The following REPS2 variants were observed in gnomAD, a reference collection of about 807,000 sequenced individuals.
REPS2 encodes the protein ralBP1-associated Eps domain-containing protein 2.
REPS2 carries 23 observed loss-of-function variants against 53.6 expected under a neutral mutation model. The observed-to-expected ratio is 0.43, with a 90% CI of 0.31 to 0.61. The LOEUF is 0.61. Among genes scored for constraint, REPS2 ranks in the 20% least tolerant of loss-of-function variants. REPS2 has a pLI of 0.11. For synonymous variants in REPS2, 238 were observed against 218.6 expected (o/e 1.09, Z -0.78); for missense variants, 446 against 534.9 (o/e 0.83, Z 1.64).
At chrX:16,969,481 C>G (rs768531186) in intron 1 of REPS2, among the ~76,000 whole-genome samples, 2 of 108,878 alleles carry the variant, frequency 1.8e-5, no homozygotes, top group Non-Finnish European at 1.9e-5. Context: ...CCCGGCACCT[C>G]GGGAGGCCGA....
chrX:17,038,680 T>G (rs1318406922), intron 5 of REPS2, among the ~76,000 whole-genome samples: 3 of 112,345 alleles, frequency 2.7e-5, no homozygotes, highest in Non-Finnish European at 5.6e-5. Flanking sequence ...AGCCAGCTTG[T>G]GCAGTGCTGG....
chrX:16,946,888 GGCGGCA>G lies in REPS2; in HGVS notation c.45_50del (p.Ala16_Ala17del), dbSNP rs1339902710. The G allele has an allele frequency of 1.9e-5, 15 of 769,593 alleles. No homozygotes were observed. Among genetic ancestry groups the G allele is most frequent in the East Asian group, 1.4e-4 (1 of 7,179 alleles). 63.4% of individuals were successfully genotyped at this position (769,593 alleles called of 1,213,427 possible). A position where few individuals can be genotyped will look rare whatever the true frequency, so the allele number is the denominator to read the frequency against. Reference sequence around the variant, plus strand: ...TGGAGGCGGCAGCGGCGGCGGCGGCGGCGGCAGCGGCAGCGGCAGCGGCGGGCGGGG... The same window carrying G: ...TGGAGGCGGCAGCGGCGGCGGCGGCGGCGGCAGCGGCAGCGGCGGGCGGGG... On this transcript the variant is annotated inframe_deletion, in exon 1 of 18. Transcript: ENST00000357277.
At chrX:17,173,322 T>C in the REPS2 span, among the ~76,000 whole-genome samples, 2 of 111,806 alleles carry the variant, frequency 1.8e-5, no homozygotes, top group East Asian at 5.6e-4. Context: ...ATTTATTTTC[T>C]TGAAGCTGTA....
rs373688895 is a variant in REPS2 at position 17,110,874 on chromosome X, C to T, written c.1578+7095C>T. Among the ~76,000 whole-genome samples, 8 of 110,197 alleles carry T rather than the reference C, an allele frequency of 7.3e-5. No homozygotes were observed. The East Asian group carries it at 2.0e-3, about 27-fold the overall frequency. ...ACTAAAAATACAAAAATTAGCCTGG[C>T]GTGATGGTACGTGCCTGTAATCCCA... On this transcript the variant is annotated intron_variant, in intron 14 of 17. Transcript: ENST00000357277.
At chrX:17,084,970 A>G (rs368139472) in intron 13 of REPS2, among the ~76,000 whole-genome samples, 1 of 111,980 alleles carries the variant, frequency 8.9e-6, no homozygotes, top group East Asian at 2.8e-4. Context: ...CAAGGTCACA[A>G]ACACTCCTCT....
intron 1 of REPS2, among the ~76,000 whole-genome samples, chrX:17,005,041 C>T (rs953150372): frequency 9.0e-6 from 1 of 111,516 alleles, no homozygotes; most frequent in Admixed American, 9.5e-5. Context: ...AGACAACTAT[C>T]TCAATGTTGG....
At chrX:17,086,878 G>A (rs1186034388) in intron 13 of REPS2, among the ~76,000 whole-genome samples, 1 of 112,297 alleles carries the variant, frequency 8.9e-6, no homozygotes, top group Non-Finnish European at 1.9e-5. Flanking sequence ...TATTCAACCA[G>A]TATTTAATGA....
intron 13 of REPS2, among the ~76,000 whole-genome samples, chrX:17,100,553 A>T: frequency 8.9e-6 from 1 of 112,285 alleles, no homozygotes; most frequent in Admixed American, 9.3e-5. Flanking sequence ...CACTGCCTGC[A>T]CCGCCTTCAT....
chrX:16,989,906 C>T (rs1053689739), intron 1 of REPS2, among the ~76,000 whole-genome samples: 2 of 112,317 alleles, frequency 1.8e-5, no homozygotes, highest in African/African-American at 3.2e-5. Flanking sequence ...ATGCAACTAC[C>T]ATATGACCCA....
intron 1 of REPS2, among the ~76,000 whole-genome samples, chrX:16,959,299 A>G (rs960486963): frequency 8.9e-6 from 1 of 111,878 alleles, no homozygotes; most frequent in African/African-American, 3.3e-5. Context: ...GGGTCTCACT[A>G]TATTCCCCTG....
rs1217831849 is a variant in REPS2, at chrX:17,006,780, C to T, written c.397+436C>T. ...TGCTCAGCCTTTAATTCTTAGTTTC[C>T]AAAGCACTGTTCTGATGCTAGTAAG... On this transcript the variant is annotated intron_variant, in intron 2 of 17. Transcript: ENST00000357277. Among the ~76,000 whole-genome samples the T allele has an allele frequency of 4.5e-5, 5 of 111,614 alleles. No individual in the cohort carries two copies. The East Asian group carries it at 1.1e-3, about 25-fold the overall frequency.
chrX:17,174,713 G>A, the REPS2 span, among the ~76,000 whole-genome samples: 1 of 112,667 alleles, frequency 8.9e-6, no homozygotes, highest in Admixed American at 9.4e-5. Context: ...TTACCCTCCG[G>A]TGTGGGTCCC....
chrX:17,135,438 G>A, intron 16 of REPS2, 32 bp downstream of exon 16: 1 of 1,183,251 alleles, frequency 8.5e-7, no homozygotes, highest in Non-Finnish European at 1.1e-6. Flanking sequence ...GAGTGAGGTA[G>A]GAATCTCGCT....
intron 6 of REPS2, among the ~76,000 whole-genome samples, chrX:17,049,231 A>G (rs2061947426): frequency 8.9e-6 from 1 of 111,879 alleles, no homozygotes; most frequent in South Asian, 3.7e-4. Context: ...TTTAGAGTAT[A>G]CTCTTACTTA....
Position 16,994,518 on chromosome X carries a change from C to T in REPS2, c.274-11703C>T, listed in dbSNP as rs151330428. The stretch of plus-strand genomic sequence containing the variant: ...AATGAAATAATAGCATTTGCAACAA[C>T]GTGGATGGAGTTGGAGACCATTATT... On this transcript the variant is annotated intron_variant, in intron 1 of 17. Coordinates refer to ENST00000357277, the MANE Select transcript of REPS2 (RefSeq NM_004726.3). 1.1e-3 allele frequency among the ~76,000 whole-genome samples: 125 copies of T among 111,001 alleles called. 1 individual carries two copies. The highest frequency in any genetic ancestry group is 3.9e-3 in the African/African-American group (120 of 30,405).
chrX:17,097,286 C>T (rs923267163), intron 13 of REPS2, among the ~76,000 whole-genome samples: 2 of 111,912 alleles, frequency 1.8e-5, no homozygotes, highest in African/African-American at 6.5e-5. Flanking sequence ...GGAAAAATGA[C>T]TTTTCAATCA....
chrX:17,062,640 G>T, intron 9 of REPS2, 108 bp downstream of exon 9: 2 of 496,699 alleles, frequency 4.0e-6, no homozygotes, highest in South Asian at 4.2e-5. Context: ...GTTTGAAAAT[G>T]AGCTTTTATA....
intron 1 of REPS2, 59 bp downstream of exon 1, chrX:16,947,193 G>C (rs1210838240): frequency 5.2e-6 from 5 of 956,718 alleles, no homozygotes; most frequent in Non-Finnish European, 6.5e-6. Context: ...CGGGGGCGGA[G>C]GTTGCGAGTG....
chrX:17,050,194 C>CTTTCTTTCTTTT (rs1223989029), intron 6 of REPS2, among the ~76,000 whole-genome samples: 7 of 51,796 alleles, frequency 1.4e-4, no homozygotes, highest in African/African-American at 6.7e-4. Flanking sequence ...TTCTTTCTTT[C>CTTTCTTTCTTTT]TTTTTTTTTT....
Sources: gnomAD v4.1 joint callset for allele counts (sites outside exome capture counted in the v4.1 genomes callset) on GRCh38, gnomAD v4.1.1 for gene constraint, MANE v1.5 for transcripts, NCBI Gene and HGNC (gene_info 2026-07-23, HGNC 2026-07-21) for gene names.